The following RAPGEFL1 variants were observed in gnomAD, a reference collection of about 807,000 sequenced individuals.
RAPGEFL1 encodes the protein rap guanine nucleotide exchange factor-like 1.
Under a neutral mutation model 64.4 loss-of-function variants are expected in RAPGEFL1, and 31 were observed. That is an observed-to-expected ratio of 0.48 (90% CI 0.36 to 0.65). The LOEUF (loss-of-function observed/expected upper bound fraction) is 0.65. RAPGEFL1 is among the 30% of genes least tolerant of loss of function. The pLI is 0.00. For missense variants in RAPGEFL1, 682 were observed against 677.4 expected, an observed-to-expected ratio of 1.01 and a Z score of -0.08; for synonymous variants, 331 against 274.1, an observed-to-expected ratio of 1.21 and a Z score of -2.05.
Position 40,190,621 on chromosome 17 carries a change from T to G in RAPGEFL1, c.1213-19T>G. On this transcript the variant is annotated intron_variant, in intron 7 of 14. Transcript: ENST00000620260. ...CCTGCCACCAGGAGCCCAGCCCCTA[T>G]GCCCCTGCCTGCCACCAGGTGCCCC... 2 of 1,613,962 alleles carry G rather than the reference T, an allele frequency of 1.2e-6. No homozygotes were observed. Among genetic ancestry groups the G allele is most frequent in the Non-Finnish European group, 1.7e-6 (2 of 1,179,912 alleles).
Position 40,178,214 on chromosome 17 carries a change from G to A in RAPGEFL1, c.353G>A (p.Gly118Glu), listed in dbSNP as rs980708306. ...GGGCCCGGGCCTCTCGGGGGAGGGG[G>A]GCCCCTGCGCTCCCCTTCCTCCTAC... ...VPGPGPLGGG[G>E]PLRSPSSYSS... The change falls in exon 1 of 15, where the codon GGG (glycine) becomes GAG (glutamate). Residue 118 changes from glycine to glutamate, a missense_variant. By Grantham distance (98) the Gly-to-Glu change is moderately conservative (BLOSUM62 -2). This residue lies in a region of RAPGEFL1 where 271 missense variants were observed against 158.0 expected (regional missense o/e 1.72). Transcript: ENST00000620260. 8.6e-6 allele frequency: 5 copies of A among 578,820 alleles called. No individual in the cohort carries two copies. Among genetic ancestry groups the A allele is most frequent in the African/African-American group, 3.9e-5 (2 of 50,708 alleles). The allele number at this position is 578,820 out of a possible 1,614,324, so 35.9% of individuals were successfully genotyped here.
At chr17:40,180,281 C>A (rs1023801466) in intron 1 of RAPGEFL1, among the ~76,000 whole-genome samples, 3 of 152,142 alleles carry the variant, frequency 2.0e-5, no homozygotes, top group Non-Finnish European at 2.9e-5. Flanking sequence ...TTTACAGGGG[C>A]CTGGTGCCAC....
In RAPGEFL1 at chr17:40,192,971, T is replaced by G. The variant is rs1315256589; in HGVS notation, c.1790T>G (p.Leu597Trp). 6.2e-7 allele frequency: 1 copy of G among 1,614,056 alleles called. No individual in the cohort carries two copies. Among genetic ancestry groups the G allele is most frequent in the African/African-American group, 1.3e-5 (1 of 75,054 alleles). The change falls in exon 13 of 15, where the codon TTG (leucine) becomes TGG (tryptophan). Residue 597 changes from leucine (L) to tryptophan (W), a missense_variant. Physicochemically the swap from Leu to Trp is moderately conservative, Grantham distance 61. This residue lies in a region of RAPGEFL1 where 411 missense variants were observed against 519.4 expected (regional missense o/e 0.79). Transcript: ENST00000620260. The part of the protein sequence containing the change: ...HEGSKTLVDG[L>W]VNIEKLHSVA... ...GGGAGTAAGACCCTTGTAGATGGTT[T>G]GGTGAACATCGAGAAGCTGGTGAGT...
rs1317324012 is a variant in RAPGEFL1 at position 40,177,541 on chromosome 17, C to T, written c.-321C>T. The T allele has an allele frequency of 9.5e-6, 5 of 527,422 alleles. No individual in the cohort carries two copies. Among genetic ancestry groups the T allele is most frequent in the Non-Finnish European group, 1.7e-5 (5 of 302,150 alleles). The allele number at this position is 527,422 out of a possible 1,614,324, so 32.7% of individuals were successfully genotyped here. On this transcript the variant is annotated 5_prime_UTR_variant, in exon 1 of 15. Coordinates refer to ENST00000620260, the MANE Select transcript of RAPGEFL1 (RefSeq NM_016339.6). ...CGCCGCGTCCTCTCAGCCTTGCGCTCCGCCCGCTGCCTCTGCCGCCGCAGC... is the reference window on the plus strand; with the variant it reads ...CGCCGCGTCCTCTCAGCCTTGCGCTTCGCCCGCTGCCTCTGCCGCCGCAGC...
At chr17:40,188,722 C>T (rs1484499337) in intron 4 of RAPGEFL1, 144 bp from the exon 5 acceptor site, 1 of 662,872 alleles carries the variant, frequency 1.5e-6, no homozygotes, top group Non-Finnish European at 2.7e-6. Flanking sequence ...TCATTGTCCT[C>T]TCTTCTGACC....
chr17:40,180,689 T>C (rs1308001088), intron 1 of RAPGEFL1, among the ~76,000 whole-genome samples: 1 of 152,228 alleles, frequency 6.6e-6, no homozygotes, highest in African/African-American at 2.4e-5. Context: ...AGTTTCACAT[T>C]TGCGAAATGA....
chr17:40,181,393 C>T, intron 1 of RAPGEFL1: 1 of 644,868 alleles, frequency 1.6e-6, no homozygotes, highest in Non-Finnish European at 2.9e-6. Context: ...CCCCCCTTCC[C>T]TTCAGCTGCC....
Position 40,178,203 on chromosome 17 carries a change from CG to C in RAPGEFL1, c.347del (p.Gly116GlufsTer22). The part of the protein sequence containing the change: ...LEEVPGPGPL[G>X]GGGPLRSPSS... The stretch of plus-strand genomic sequence containing the variant: ...AGGAGGTGCCGGGGCCCGGGCCTCT[CG>C]GGGGAGGGGGGCCCCTGCGCTCCCC... On this transcript the variant is annotated frameshift_variant, in exon 1 of 15. Transcript: ENST00000620260. LOFTEE classifies it high-confidence loss of function. 1 of 545,908 alleles carries C rather than the reference CG, an allele frequency of 1.8e-6. No homozygotes were observed. The highest frequency in any genetic ancestry group is 3.3e-6 in the Non-Finnish European group (1 of 304,372). The allele number at this position is 545,908 out of a possible 1,614,324, so 33.8% of individuals were successfully genotyped here. A position where few individuals can be genotyped will look rare whatever the true frequency, so the allele number is the denominator to read the frequency against.
intron 4 of RAPGEFL1, 127 bp from the exon 5 acceptor site, chr17:40,188,739 A>G (rs2145217074): frequency 1.4e-6 from 1 of 719,524 alleles, no homozygotes; most frequent in Admixed American, 2.0e-5. Context: ...GACCCCCTTA[A>G]CCACCTGAAA....
intron 4 of RAPGEFL1, among the ~76,000 whole-genome samples, chr17:40,186,574 CAAAAAAAAAAAAAAAA>C (rs146110920): frequency 0.056 from 1,465 of 26,080 alleles, 7 homozygotes; most frequent in Non-Finnish European, 0.093. Flanking sequence ...GACTCCGTCT[CAAAAAAAAAAAAAAAA>C]AAAAAAAAAA....
At chr17:40,177,383 C>T, upstream of RAPGEFL1, 1 of 696,806 alleles carries the variant, frequency 1.4e-6, no homozygotes, top group Non-Finnish European at 2.6e-6. Flanking sequence ...GAGTTCAAGC[C>T]TCGTGCGGCG....
chr17:40,189,398 C>T, intron 6 of RAPGEFL1, 23 bp downstream of exon 6: 3 of 1,612,442 alleles, frequency 1.9e-6, no homozygotes, highest in Non-Finnish European at 2.5e-6. Flanking sequence ...AAGAACTGGG[C>T]TGATGCTCCG....
intron 6 of RAPGEFL1, among the ~76,000 whole-genome samples, chr17:40,189,960 A>C (rs1990204750): frequency 6.6e-6 from 1 of 152,120 alleles, no homozygotes; most frequent in African/African-American, 2.4e-5. Context: ...GTCTCAAAAA[A>C]AAAAAAAAAG....
Position 40,191,536 on chromosome 17 carries a change from GGCCCGC to G in RAPGEFL1, c.1515-42_1515-37del, listed in dbSNP as rs767542206. 1.3e-5 allele frequency: 20 copies of G among 1,560,366 alleles called. No homozygotes were observed. The South Asian group carries it at 2.2e-4, about 17-fold the overall frequency. ...GCGGGATGGGGGGCCGGAGGCCGGAGGCCCGCGCCGCCGCCCGCCCCTGACCCCGCC... is the reference window on the plus strand; with the variant it reads ...GCGGGATGGGGGGCCGGAGGCCGGAGGCCGCCGCCCGCCCCTGACCCCGCC... On this transcript the variant is annotated intron_variant, in intron 9 of 14. Transcript: ENST00000620260. The surrounding 1 kb of genome is among the most constrained non-coding windows in gnomAD (Gnocchi z 5.1).
rs200532938 is a variant in RAPGEFL1, at chr17:40,193,700, C to T, written c.1901C>T (p.Thr634Ile). 4.3e-6 allele frequency: 7 copies of T among 1,614,098 alleles called. No homozygotes were observed. Among genetic ancestry groups the T allele is most frequent in the Non-Finnish European group, 5.9e-6 (7 of 1,180,020 alleles). Reference sequence around the variant, plus strand: ...GAGGCATCCCCCAATCACCTGCAGACCAAGGCCTATGTGCGCCAGTTTCAG... The same window carrying T: ...GAGGCATCCCCCAATCACCTGCAGATCAAGGCCTATGTGCGCCAGTTTCAG... ...DMEASPNHLQTKAYVRQFQVI... is the reference protein window; with the variant it reads ...DMEASPNHLQIKAYVRQFQVI... The change falls in exon 15 of 15, where the codon ACC (threonine) becomes ATC (isoleucine). Residue 634 changes from threonine to isoleucine, a missense_variant. Physicochemically the swap from Thr to Ile is moderately conservative, Grantham distance 89. Around this residue, in one of 2 missense-constraint regions of RAPGEFL1, gnomAD observed 411 missense variants for 519.4 expected, o/e 0.79. Coordinates refer to ENST00000620260, the MANE Select transcript of RAPGEFL1 (RefSeq NM_016339.6).
At position 40,178,121 on chromosome 17, in the gene RAPGEFL1, A is replaced by G; in HGVS notation, c.260A>G (p.Glu87Gly). Reference protein sequence around the residue: ...LEPPPEEEGGEPAGVAEEPGS... With the variant: ...LEPPPEEEGGGPAGVAEEPGS... The stretch of plus-strand genomic sequence containing the variant: ...CCGCCCCCTGAGGAGGAAGGAGGAG[A>G]GCCGGCGGGGGTCGCGGAGGAGCCG... Residue 87 changes from glutamate to glycine, a missense_variant, in exon 1 of 15, where the codon GAG becomes GGG. By Grantham distance (98) the Glu-to-Gly change is moderately conservative. This residue lies in a region of RAPGEFL1 where 271 missense variants were observed against 158.0 expected (regional missense o/e 1.72). Transcript: ENST00000620260. The G allele has an allele frequency of 1.8e-6, 1 of 545,050 alleles. No individual in the cohort carries two copies. The highest frequency in any genetic ancestry group is 3.5e-5 in the Admixed American group (1 of 28,718). 33.8% of individuals were successfully genotyped at this position (545,050 alleles called of 1,614,324 possible). A position where few individuals can be genotyped will look rare whatever the true frequency, so the allele number is the denominator to read the frequency against.
Position 40,193,906 on chromosome 17 carries a change from G to A in RAPGEFL1, c.*118G>A, listed in dbSNP as rs574777018. 7.3e-7 allele frequency: 1 copy of A among 1,376,826 alleles called. No homozygotes were observed. The highest frequency in any genetic ancestry group is 2.3e-5 in the Admixed American group (1 of 43,694). The allele number at this position is 1,376,826 out of a possible 1,614,324, so 85.3% of individuals were successfully genotyped here. ...CGTGGAGCAACTTCCTGCTCCACGGGAAAGAGGTCGATGGATTTACCCCTG... is the reference window on the plus strand; with the variant it reads ...CGTGGAGCAACTTCCTGCTCCACGGAAAAGAGGTCGATGGATTTACCCCTG... On this transcript the variant is annotated 3_prime_UTR_variant, in exon 15 of 15. Coordinates refer to ENST00000620260, the MANE Select transcript of RAPGEFL1 (RefSeq NM_016339.6).
At position 40,178,228 on chromosome 17, in the gene RAPGEFL1, C is replaced by G. The variant is rs1989781663; in HGVS notation, c.367C>G (p.Pro123Ala). Residue 123 changes from proline (P) to alanine (A), a missense_variant, in exon 1 of 15, where the codon CCT becomes GCT. By Grantham distance (27) the Pro-to-Ala change is conservative. Transcript: ENST00000620260. ...PLGGGGPLRSPSSYSSDELSP... is the reference protein window; with the variant it reads ...PLGGGGPLRSASSYSSDELSP... ...CGGGGGAGGGGGGCCCCTGCGCTCCCCTTCCTCCTACTCATCTGACGAGCT... is the reference window on the plus strand; with the variant it reads ...CGGGGGAGGGGGGCCCCTGCGCTCCGCTTCCTCCTACTCATCTGACGAGCT... 1 of 619,882 alleles carries G rather than the reference C, an allele frequency of 1.6e-6. No homozygotes were observed. The highest frequency in any genetic ancestry group is 3.3e-5 in the East Asian group (1 of 30,164). The allele number at this position is 619,882 out of a possible 1,614,324, so 38.4% of individuals were successfully genotyped here. A position where few individuals can be genotyped will look rare whatever the true frequency, so the allele number is the denominator to read the frequency against.
intron 8 of RAPGEFL1, 163 bp downstream of exon 8, chr17:40,190,925 AAGAG>A (rs1476386801): frequency 1.9e-5 from 21 of 1,121,162 alleles, no homozygotes; most frequent in Non-Finnish European, 2.6e-5. Flanking sequence ...AAAAATCGCA[AAGAG>A]AGAGACCCCA....
Sources: allele counts gnomAD v4.1 joint callset (sites outside exome capture counted in the v4.1 genomes callset), GRCh38; gene constraint gnomAD v4.1.1; regional missense constraint gnomAD v4.1.1; non-coding constraint Gnocchi (gnomAD v3.1); transcripts MANE v1.5; gene names NCBI Gene and HGNC (gene_info 2026-07-23, HGNC 2026-07-21).